The following NEB variants were observed in gnomAD, a reference collection of about 807,000 sequenced individuals.
NEB encodes nemaline myopathy type 2.
NEB carries 512 observed loss-of-function variants against 952.2 expected under a neutral mutation model. That is an observed-to-expected ratio of 0.54 (90% confidence interval 0.50 to 0.58). The LOEUF (loss-of-function observed/expected upper bound fraction) is 0.58. NEB is among the 20% of genes least tolerant of loss of function. The probability of loss-of-function intolerance (pLI) is 0.00; values close to 1 mark genes in which losing one functional copy is unlikely to be tolerated. For missense variants in NEB, 8,428 were observed against 9,231.1 expected (o/e 0.91, Z 3.56); for synonymous variants, 2,900 against 3,149.8 (o/e 0.92, Z 2.66).
At chr2:151,611,843 A>T (rs1388330739) in intron 78 of NEB, among the ~76,000 whole-genome samples, 5 of 152,254 alleles carry the variant, frequency 3.3e-5, no homozygotes, top group African/African-American at 1.2e-4. Context: ...ATTCCTTACC[A>T]GATGGCTAAA....
chr2:151,526,636 T>C (rs1020773032), intron 148 of NEB, among the ~76,000 whole-genome samples: 10 of 152,174 alleles, frequency 6.6e-5, no homozygotes, highest in South Asian at 4.1e-4. Context: ...GGCGTTTCCA[T>C]AAAGAGTCCA....
At chr2:151,657,914 A>C in intron 48 of NEB, 69 bp downstream of exon 48, 1 of 1,092,586 alleles carries the variant, frequency 9.2e-7, no homozygotes, top group South Asian at 1.4e-5. Context: ...CAGTGTTTCC[A>C]GAACTCAGCC....
intron 34 of NEB, 131 bp downstream of exon 34, chr2:151,677,434 A>T (rs1219940314): frequency 3.2e-5 from 22 of 697,926 alleles, no homozygotes; most frequent in Non-Finnish European, 4.2e-5. Context: ...TGTAATTTTT[A>T]AAAAATTAAA....
intron 55 of NEB, among the ~76,000 whole-genome samples, chr2:151,645,309 T>C (rs944405135): frequency 5.9e-5 from 9 of 152,248 alleles, no homozygotes; most frequent in Non-Finnish European, 1.0e-4. Context: ...ATCTCTTCTA[T>C]GTAGCTGATG....
At position 151,537,241 on chromosome 2, in the gene NEB, G is replaced by A. The variant is rs1331120255; in HGVS notation, c.21103-5C>T. ...CAAGTCTTCTTTATATTTTACCTGGGAGAAGAAGAACATCAAAGAGTTCTA... is the reference window on the plus strand; with the variant it reads ...CAAGTCTTCTTTATATTTTACCTGGAAGAAGAAGAACATCAAAGAGTTCTA... On this transcript the variant is annotated splice_polypyrimidine_tract_variant and splice_region_variant and intron_variant, in intron 140 of 181. Coordinates refer to ENST00000397345, the MANE Select transcript of NEB (RefSeq NM_001164508.2). 10 of 1,576,742 alleles carry A rather than the reference G, an allele frequency of 6.3e-6. No individual in the cohort carries two copies. The highest frequency in any genetic ancestry group is 8.7e-6 in the Non-Finnish European group (10 of 1,147,380).
intron 71 of NEB, among the ~76,000 whole-genome samples, chr2:151,623,857 A>G (rs2154041899): frequency 6.6e-6 from 1 of 152,142 alleles, no homozygotes; most frequent in East Asian, 1.9e-4. Flanking sequence ...TGCTTCAATC[A>G]TCTCATGGCT....
At chr2:151,668,380 A>C (rs923596857) in intron 39 of NEB, among the ~76,000 whole-genome samples, 54 of 152,288 alleles carry the variant, frequency 3.5e-4, no homozygotes, top group African/African-American at 1.3e-3. Context: ...TATTACTTAG[A>C]AAAATCTTTC....
chr2:151,664,289 T>C (rs2099183072), intron 44 of NEB, among the ~76,000 whole-genome samples: 1 of 152,214 alleles, frequency 6.6e-6, no homozygotes, highest in African/African-American at 2.4e-5. Flanking sequence ...TAAAGGCTAC[T>C]TATTTTAACA....
intron 46 of NEB, among the ~76,000 whole-genome samples, chr2:151,659,868 C>T (rs565435272): frequency 1.3e-5 from 2 of 152,190 alleles, no homozygotes; most frequent in African/African-American, 2.4e-5. Context: ...TTTAGAGCTA[C>T]GTAGTATTTC....
In NEB at chr2:151,682,675, T is replaced by A; in HGVS notation, c.2930A>T (p.Asp977Val). Residue 977 changes from aspartate (D) to valine (V), a missense_variant, in exon 29 of 182, where the codon GAC becomes GTC. This residue lies in a region of NEB where 2,851 missense variants were observed against 2,791.5 expected (regional missense o/e 1.02). Coordinates refer to ENST00000397345, the MANE Select transcript of NEB (RefSeq NM_001164508.2). ...CAGTGGCTTTACCTCATTGAGGATG[T>A]CTGAAGCTCGCTTTGCCTTTTCCAT... Reference protein sequence around the residue: ...LEMEKAKRASDILNEKKYRQH... With the variant: ...LEMEKAKRASVILNEKKYRQH... The A allele has an allele frequency of 6.2e-7, 1 of 1,612,506 alleles. No individual in the cohort carries two copies. The highest frequency in any genetic ancestry group is 8.5e-7 in the Non-Finnish European group (1 of 1,179,026).
rs543345499 is a variant in NEB, at chr2:151,523,162, T to C, written c.22479+1149A>G. On this transcript the variant is annotated intron_variant, in intron 153 of 181. Transcript: ENST00000397345. ...AGTTCTTGTTACATCTCATTACTCT[T>C]AGAGATTCCACTGTTTTTTTGTTGG... Among the ~76,000 whole-genome samples, 137 of 152,358 alleles carry C rather than the reference T, an allele frequency of 9.0e-4. 1 individual carries two copies. Among genetic ancestry groups the C allele is most frequent in the Non-Finnish European group, 1.5e-3 (99 of 68,028 alleles).
In NEB at chr2:151,658,033, C is replaced by G. The variant is rs1348871151; in HGVS notation, c.6133G>C (p.Asp2045His). Residue 2045 changes from aspartate (D) to histidine (H), a missense_variant, in exon 48 of 182, where the codon GAT (aspartate) becomes CAT (histidine). By Grantham distance (81) the Asp-to-His change is moderately conservative. This residue lies in a region of NEB where 2,851 missense variants were observed against 2,791.5 expected (regional missense o/e 1.02). Coordinates refer to ENST00000397345, the MANE Select transcript of NEB (RefSeq NM_001164508.2). ...SKKKGYDLRP[D>H]AIPIKAAKAS... ...TTGGCAGCTTTGATAGGAATTGCAT[C>G]AGGTCTGAGATCATAGCCTTTCTTT... is the stretch of plus-strand genomic sequence containing the variant. The G allele has an allele frequency of 6.2e-7, 1 of 1,611,466 alleles. No individual in the cohort carries two copies. The highest frequency in any genetic ancestry group is 1.1e-5 in the South Asian group (1 of 90,598).
chr2:151,634,805 T>C (rs540547156), intron 64 of NEB, among the ~76,000 whole-genome samples: 3 of 152,252 alleles, frequency 2.0e-5, no homozygotes, highest in East Asian at 1.9e-4. Context: ...TGAAAACTGA[T>C]TGTACTTGTA....
chr2:151,578,468 T>C lies in NEB; in HGVS notation c.16704+870A>G, dbSNP rs112129826. Among the ~76,000 whole-genome samples the C allele has an allele frequency of 4.2e-3, 641 of 151,596 alleles. 4 individuals are homozygous for C. The highest frequency in any genetic ancestry group is 0.015 in the African/African-American group (610 of 41,392). The stretch of plus-strand genomic sequence containing the variant: ...TGAGGTCAGGGGTTTGAGACCAGCC[T>C]GGCCAACATGATGAAACCCTGCCTC... On this transcript the variant is annotated intron_variant, in intron 105 of 181. Transcript: ENST00000397345.
intron 161 of NEB, among the ~76,000 whole-genome samples, chr2:151,509,205 G>T (rs908803548): frequency 2.6e-5 from 4 of 152,154 alleles, no homozygotes; most frequent in African/African-American, 9.7e-5. Flanking sequence ...CCTAGATTTT[G>T]TTCATCTAAA....
In NEB at chr2:151,709,752, C is replaced by T. The variant is rs373796976; in HGVS notation, c.939G>A (p.Gln313=). The T allele has an allele frequency of 6.3e-7, 1 of 1,595,854 alleles. No homozygotes were observed. Among genetic ancestry groups the T allele is most frequent in the Non-Finnish European group, 8.6e-7 (1 of 1,169,536 alleles). The change falls in exon 12 of 182, where the codon CAG becomes CAA. Residue 313 remains glutamine (Q), a synonymous_variant. Coordinates refer to ENST00000397345, the MANE Select transcript of NEB (RefSeq NM_001164508.2). ...GGTCTTTCATGTTTTCAAAATCTTC[C>T]TGGTATTTCCTCTGTAAGACATCAG... is the stretch of plus-strand genomic sequence containing the variant. ...NADNISTRKY[Q]EDFENMKDQI...
chr2:151,673,250 T>C (rs991649879), intron 36 of NEB, among the ~76,000 whole-genome samples: 1 of 152,196 alleles, frequency 6.6e-6, no homozygotes, highest in African/African-American at 2.4e-5. Flanking sequence ...ATCAGCAATG[T>C]GATATAAATT....
intron 63 of NEB, among the ~76,000 whole-genome samples, chr2:151,638,740 C>T (rs1322262906): frequency 6.6e-6 from 1 of 152,048 alleles, no homozygotes; most frequent in Non-Finnish European, 1.5e-5. Context: ...GCACGTGGCC[C>T]TGTGCACACT....
At chr2:151,495,974 C>T (rs1273082735) in intron 173 of NEB, among the ~76,000 whole-genome samples, 1 of 152,114 alleles carries the variant, frequency 6.6e-6, no homozygotes, top group Non-Finnish European at 1.5e-5. Flanking sequence ...AAATTTCAAG[C>T]ATATCTAAAA....
Sources: allele counts gnomAD v4.1 joint callset (sites outside exome capture counted in the v4.1 genomes callset), GRCh38; gene constraint gnomAD v4.1.1; regional missense constraint gnomAD v4.1.1; transcripts MANE v1.5; gene names NCBI Gene and HGNC (gene_info 2026-07-23, HGNC 2026-07-21).